Variants in NBR1 observed in about 807,000 individuals in gnomAD.
NBR1 encodes the protein next to BRCA1 gene 1 protein.
In NBR1, 59 loss-of-function variants were observed where a neutral mutation model predicts 115.5. The observed-to-expected ratio is 0.51, with a 90% confidence interval of 0.41 to 0.63. The LOEUF (loss-of-function observed/expected upper bound fraction) is 0.63. Among genes scored for constraint, NBR1 ranks in the 30% least tolerant of loss-of-function variants. The probability of loss-of-function intolerance (pLI) is 0.00; values close to 1 mark genes in which losing one functional copy is unlikely to be tolerated. For synonymous variants in NBR1, 373 were observed against 414.7 expected (o/e 0.90, Z 1.22); for missense variants, 1,043 against 1,150.5 (o/e 0.91, Z 1.35).
intron 20 of NBR1, 141 bp from the exon 21 acceptor site, chr17:43,209,760 T>C (rs1397179521): frequency 1.3e-6 from 2 of 1,488,292 alleles, no homozygotes; most frequent in Non-Finnish European, 1.8e-6. Context: ...AGGAGTGCCA[T>C]AGCCTTGAAT....
Position 43,210,676 on chromosome 17 carries a change from A to G in NBR1, c.*602A>G, listed in dbSNP as rs2057401256. The G allele has an allele frequency of 2.5e-6, 1 of 398,442 alleles. No homozygotes were observed. The highest frequency in any genetic ancestry group is 4.4e-5 in the Admixed American group (1 of 22,704). The allele number at this position is 398,442 out of a possible 1,614,324, so 24.7% of individuals were successfully genotyped here. On this transcript the variant is annotated 3_prime_UTR_variant, in exon 21 of 21. Coordinates refer to ENST00000590996, the MANE Select transcript of NBR1 (RefSeq NM_005899.5). ...TTCTAAAGACTCCATGGTGCATTCA[A>G]GAGTATCCAACTTCAAGGGAATCTC...
intron 20 of NBR1, 97 bp from the exon 21 acceptor site, chr17:43,209,804 G>C: frequency 6.8e-7 from 1 of 1,461,486 alleles, no homozygotes; most frequent in Non-Finnish European, 9.0e-7. Flanking sequence ...AATCTGGAAA[G>C]ACTAGTATGC....
In NBR1 at chr17:43,186,248, A is replaced by G; in HGVS notation, c.208-2A>G. 6.4e-7 allele frequency: 1 copy of G among 1,564,740 alleles called. No homozygotes were observed. Among genetic ancestry groups the G allele is most frequent in the South Asian group, 1.2e-5 (1 of 84,304 alleles). On this transcript the variant is annotated splice_acceptor_variant, in intron 5 of 20. Coordinates refer to ENST00000590996, the MANE Select transcript of NBR1 (RefSeq NM_005899.5). LOFTEE classifies it high-confidence loss of function. ...TTTTTGTTTCATAATGTATGCTCTT[A>G]GATGGCAGTTAAACAGGGAAACCAA...
At position 43,200,148 on chromosome 17, in the gene NBR1, G is replaced by T. The variant is rs1159999606; in HGVS notation, c.2027-19G>T. 1 of 1,526,720 alleles carries T rather than the reference G, an allele frequency of 6.5e-7. No homozygotes were observed. Among genetic ancestry groups the T allele is most frequent in the South Asian group, 1.3e-5 (1 of 79,876 alleles). 94.6% of individuals were successfully genotyped at this position (1,526,720 alleles called of 1,614,324 possible). A position where few individuals can be genotyped will look rare whatever the true frequency, so the allele number is the denominator to read the frequency against. ...TGCTTTTAGCTTCCACCTTAAAATT[G>T]GTTGCTTTCATCCTTTAGTGACATT... On this transcript the variant is annotated intron_variant, in intron 16 of 20. Coordinates refer to ENST00000590996, the MANE Select transcript of NBR1 (RefSeq NM_005899.5).
chr17:43,209,668 TC>T, intron 20 of NBR1: 1 of 1,535,452 alleles, frequency 6.5e-7, no homozygotes, highest in Non-Finnish European at 8.7e-7. Context: ...CTCCCCGGTT[TC>T]CCTTTTCTCC....
intron 20 of NBR1, among the ~76,000 whole-genome samples, chr17:43,206,624 C>T (rs1479153448): frequency 6.6e-6 from 1 of 151,028 alleles, no homozygotes; most frequent in African/African-American, 2.4e-5. Context: ...CACTGCACTC[C>T]AGCCTGGGTG....
chr17:43,188,016 G>A (rs561171132), intron 6 of NBR1, among the ~76,000 whole-genome samples: 223 of 149,794 alleles, frequency 1.5e-3, no homozygotes, highest in Non-Finnish European at 9.0e-4. Flanking sequence ...TCAGCCTCTC[G>A]AGTAGCTGGG....
chr17:43,181,582 C>CCTGCAG (rs2056665286), intron 5 of NBR1, among the ~76,000 whole-genome samples: 1 of 151,884 alleles, frequency 6.6e-6, no homozygotes, highest in Admixed American at 6.6e-5. Flanking sequence ...AGGAGAATGG[C>CCTGCAG]GTGAACCCCG....
At chr17:43,184,019 T>TA (rs1249590737) in intron 5 of NBR1, among the ~76,000 whole-genome samples, 11 of 151,584 alleles carry the variant, frequency 7.3e-5, no homozygotes, top group Admixed American at 5.9e-4. Context: ...CAGCACTTGT[T>TA]AAAAAAAATC....
chr17:43,189,166 G>T (rs1268518285), intron 7 of NBR1, 47 bp downstream of exon 7: 1 of 1,316,766 alleles, frequency 7.6e-7, no homozygotes, highest in African/African-American at 1.5e-5. Context: ...GTTGGCACAG[G>T]TGGAATGTGG....
intron 8 of NBR1, chr17:43,190,091 G>A: frequency 3.1e-6 from 1 of 326,884 alleles, no homozygotes; most frequent in South Asian, 3.9e-5. Flanking sequence ...TGTTCCAAAT[G>A]CCTTTTTTTT....
intron 6 of NBR1, among the ~76,000 whole-genome samples, chr17:43,187,450 G>A (rs1235225169): frequency 1.3e-5 from 2 of 150,520 alleles, no homozygotes; most frequent in African/African-American, 4.9e-5. Flanking sequence ...AAAGTGCTGG[G>A]ATTACAGGCG....
rs1273552469 is a variant in NBR1, at chr17:43,196,570, G to A, written c.1840G>A (p.Ala614Thr). ...LGQIEEENEG[A>T]GFKALPDSMV... Reference sequence around the variant, plus strand: ...GCAGATAGAGGAAGAGAATGAAGGGGCAGGATTTAAAGCACTTCCTGGTAA... The same window carrying A: ...GCAGATAGAGGAAGAGAATGAAGGGACAGGATTTAAAGCACTTCCTGGTAA... Residue 614 changes from alanine to threonine, a missense_variant, in exon 15 of 21, where the codon GCA (alanine) becomes ACA (threonine). Transcript: ENST00000590996. 1.2e-6 allele frequency: 2 copies of A among 1,603,644 alleles called. No individual in the cohort carries two copies. Among genetic ancestry groups the A allele is most frequent in the Non-Finnish European group, 1.7e-6 (2 of 1,175,426 alleles).
Position 43,189,751 on chromosome 17 carries a change from T to C in NBR1, c.644T>C (p.Ile215Thr). The C allele has an allele frequency of 1.2e-6, 2 of 1,614,002 alleles. No homozygotes were observed. The highest frequency in any genetic ancestry group is 1.7e-6 in the Non-Finnish European group (2 of 1,179,896). Reference sequence around the variant, plus strand: ...CCAGAAAACCAGTTCAGCTGGCATATTGCTTGCAACAACTGCCAAAGAAGG... The same window carrying C: ...CCAGAAAACCAGTTCAGCTGGCATACTGCTTGCAACAACTGCCAAAGAAGG... ...FLPENQFSWHIACNNCQRRIV... is the reference protein window; with the variant it reads ...FLPENQFSWHTACNNCQRRIV... Residue 215 changes from isoleucine (I) to threonine (T), a missense_variant, in exon 8 of 21, where the codon ATT (isoleucine) becomes ACT (threonine). Transcript: ENST00000590996.
chr17:43,174,188 G>GT (rs2056448040), intron 1 of NBR1, among the ~76,000 whole-genome samples: 1 of 151,818 alleles, frequency 6.6e-6, no homozygotes, highest in Admixed American at 6.6e-5. Flanking sequence ...TAAACCTTTG[G>GT]TTACAGCAAA....
rs931983907 is a variant in NBR1 at position 43,206,790 on chromosome 17, C to T, written c.2727+3004C>T. ...GCTAAAAAGAAGGATAGGCTGGGCA[C>T]GGTGGCTCACATCTGTAATTTCAGC... On this transcript the variant is annotated intron_variant, in intron 20 of 20. Transcript: ENST00000590996. 2.6e-5 allele frequency among the ~76,000 whole-genome samples: 4 copies of T among 151,688 alleles called. No homozygotes were observed. In the South Asian group the frequency reaches 6.2e-4, roughly 24 times the overall value.
At chr17:43,203,951 T>C (rs987804559) in intron 20 of NBR1, among the ~76,000 whole-genome samples, 165 bp downstream of exon 20, 3 of 152,066 alleles carry the variant, frequency 2.0e-5, no homozygotes, top group Admixed American at 1.3e-4. Flanking sequence ...TTTTTTTTTT[T>C]TTTTGAGACG....
In NBR1 at chr17:43,196,541, T is replaced by C. The variant is rs757525307; in HGVS notation, c.1811T>C (p.Leu604Ser). ...AGTCCTTTAATAGAGAAGCCAGGCTTGGGGCAGATAGAGGAAGAGAATGAA... is the reference window on the plus strand; with the variant it reads ...AGTCCTTTAATAGAGAAGCCAGGCTCGGGGCAGATAGAGGAAGAGAATGAA... Reference protein sequence around the residue: ...HDSPLIEKPGLGQIEEENEGA... With the variant: ...HDSPLIEKPGSGQIEEENEGA... Residue 604 changes from leucine (L) to serine (S), a missense_variant, in exon 15 of 21, where the codon TTG (leucine) becomes TCG (serine). Leu to Ser is a moderately radical substitution (Grantham distance 145). Transcript: ENST00000590996. The C allele has an allele frequency of 5.6e-6, 9 of 1,606,700 alleles. No individual in the cohort carries two copies. The highest frequency in any genetic ancestry group is 7.6e-6 in the Non-Finnish European group (9 of 1,177,590).
chr17:43,184,789 G>A (rs142057874), intron 5 of NBR1, among the ~76,000 whole-genome samples: 4 of 152,062 alleles, frequency 2.6e-5, no homozygotes, highest in African/African-American at 9.6e-5. Flanking sequence ...CATAGAGAGA[G>A]TCTTGTATAA....
Sources: allele counts gnomAD v4.1 joint callset (sites outside exome capture counted in the v4.1 genomes callset), GRCh38; gene constraint gnomAD v4.1.1; transcripts MANE v1.5; gene names NCBI Gene and HGNC (gene_info 2026-07-23, HGNC 2026-07-21).